The following SHCBP1L variants were observed in gnomAD, a reference collection of about 807,000 sequenced individuals.
SHCBP1L encodes the protein testicular spindle-associated protein SHCBP1L.
A neutral mutation model predicts 62.5 loss-of-function variants in SHCBP1L; 67 were observed. That is an observed-to-expected ratio of 1.07 (90% CI 0.88 to 1.31). The LOEUF is 1.31. Among genes scored for constraint, SHCBP1L ranks in the 40% most tolerant of loss-of-function variants. The probability of loss-of-function intolerance (pLI) is 0.00; values close to 1 mark genes in which losing one functional copy is unlikely to be tolerated. For synonymous variants in SHCBP1L, 284 were observed against 289.4 expected (o/e 0.98, Z 0.19); for missense variants, 823 against 809.8 (o/e 1.02, Z -0.20).
intron 2 of SHCBP1L, among the ~76,000 whole-genome samples, chr1:182,941,253 C>CAAAAAAAA (rs368017905): frequency 3.5e-5 from 2 of 57,454 alleles, no homozygotes; most frequent in African/African-American, 5.4e-5. Flanking sequence ...ACTCAAACAC[C>CAAAAAAAA]AAAAAAAAAA....
At chr1:182,912,086 C>T (rs1423451224) in intron 6 of SHCBP1L, among the ~76,000 whole-genome samples, 1 of 152,178 alleles carries the variant, frequency 6.6e-6, no homozygotes, top group Non-Finnish European at 1.5e-5. Flanking sequence ...CTTTCACCTG[C>T]CCCAGGGCAG....
At chr1:182,948,648 G>A (rs1221629073) in intron 2 of SHCBP1L, among the ~76,000 whole-genome samples, 2 of 152,194 alleles carry the variant, frequency 1.3e-5, no homozygotes, top group East Asian at 3.8e-4. Context: ...AGAGTTGTAA[G>A]ATAATAAATT....
At chr1:182,930,311 T>C (rs1032070093) in intron 5 of SHCBP1L, among the ~76,000 whole-genome samples, 6 of 152,018 alleles carry the variant, frequency 3.9e-5, no homozygotes, top group African/African-American at 1.4e-4. Context: ...GTTCTTTCTC[T>C]TCTTCCTGCT....
intron 6 of SHCBP1L, among the ~76,000 whole-genome samples, chr1:182,913,320 G>A (rs1022019334): frequency 6.6e-6 from 1 of 152,166 alleles, no homozygotes; most frequent in Non-Finnish European, 1.5e-5. Flanking sequence ...AGCAGTTTTG[G>A]AGGCTGAGTC....
chr1:182,916,368 T>G (rs1186736219), intron 6 of SHCBP1L, among the ~76,000 whole-genome samples: 1 of 151,770 alleles, frequency 6.6e-6, no homozygotes. Context: ...ACGATACAGA[T>G]TAGAGTTCAA....
intron 6 of SHCBP1L, among the ~76,000 whole-genome samples, chr1:182,923,452 T>C (rs958575865): frequency 6.6e-6 from 1 of 152,126 alleles, no homozygotes; most frequent in Non-Finnish European, 1.5e-5. Flanking sequence ...TGAACACAGA[T>C]GCAAACATCC....
intron 5 of SHCBP1L, among the ~76,000 whole-genome samples, chr1:182,932,024 C>T (rs1651014867): frequency 7.6e-6 from 1 of 131,058 alleles, no homozygotes; most frequent in South Asian, 2.7e-4. Flanking sequence ...TGGAGTCATA[C>T]AGTATGTAGC....
intron 6 of SHCBP1L, among the ~76,000 whole-genome samples, chr1:182,924,940 A>AAGAAAGAAAGAAAGAAAGAAAGAG: frequency 8.4e-6 from 1 of 118,716 alleles, no homozygotes; most frequent in African/African-American, 3.7e-5. Flanking sequence ...GGAAGGAAGA[A>AAGAAAGAAAGAAAGAAAGAAAGAG]AGAAAGAAAG....
intron 6 of SHCBP1L, among the ~76,000 whole-genome samples, chr1:182,912,890 A>C (rs1650234004): frequency 6.6e-6 from 1 of 151,698 alleles, no homozygotes; most frequent in African/African-American, 2.4e-5. Flanking sequence ...TAATCCTAGC[A>C]CTTTGGGAGG....
chr1:182,927,566 G>C (rs1048240104), intron 6 of SHCBP1L, among the ~76,000 whole-genome samples: 7 of 151,778 alleles, frequency 4.6e-5, no homozygotes, highest in African/African-American at 1.7e-4. Context: ...CAGCTACTCG[G>C]GAGGCTGAGG....
intron 6 of SHCBP1L, among the ~76,000 whole-genome samples, chr1:182,924,966 GAAAGAAAGAAA>G (rs1169530287): frequency 1.2e-4 from 14 of 114,304 alleles, no homozygotes; most frequent in African/African-American, 4.1e-4. Context: ...AAGAAAGAAA[GAAAGAAAGAAA>G]AAAAAAGGAA....
chr1:182,940,435 C>T lies in SHCBP1L; in HGVS notation c.664G>A (p.Glu222Lys). The T allele has an allele frequency of 6.2e-7, 1 of 1,614,022 alleles. No individual in the cohort carries two copies. The change falls in exon 3 of 10, where the codon GAG (glutamate) becomes AAG (lysine). Residue 222 changes from glutamate (E) to lysine (K), a missense_variant. Physicochemically the swap from Glu to Lys is moderately conservative, Grantham distance 56 (BLOSUM62 1). Coordinates refer to ENST00000367547, the MANE Select transcript of SHCBP1L (RefSeq NM_030933.4). Reference sequence around the variant, plus strand: ...CTGTGTTCCAGTTCCTCCAAAATCTCATCAACCAAATCTCTTGGAATATTT... The same window carrying T: ...CTGTGTTCCAGTTCCTCCAAAATCTTATCAACCAAATCTCTTGGAATATTT... Reference protein sequence around the residue: ...IANIPRDLVDEILEELEHSVP... With the variant: ...IANIPRDLVDKILEELEHSVP...
chr1:182,924,607 T>A (rs1650618189), intron 6 of SHCBP1L, among the ~76,000 whole-genome samples: 1 of 150,486 alleles, frequency 6.6e-6, no homozygotes, highest in East Asian at 1.9e-4. Flanking sequence ...AAAGAATCAA[T>A]GTTGTTAAAA....
chr1:182,941,297 T>C (rs975781563), intron 2 of SHCBP1L, among the ~76,000 whole-genome samples: 8 of 136,340 alleles, frequency 5.9e-5, no homozygotes, highest in African/African-American at 2.2e-4. Context: ...AAGAGTAAAA[T>C]TCTTTTTTTT....
chr1:182,950,102 A>T (rs1002887613), intron 2 of SHCBP1L, among the ~76,000 whole-genome samples: 7 of 152,130 alleles, frequency 4.6e-5, no homozygotes, highest in African/African-American at 1.4e-4. Context: ...TATCTGTAAA[A>T]CTGACACTGA....
intron 9 of SHCBP1L, among the ~76,000 whole-genome samples, chr1:182,901,831 C>T (rs1296484483): frequency 1.3e-5 from 2 of 152,132 alleles, no homozygotes; most frequent in African/African-American, 4.8e-5. Context: ...GCAGTATCAG[C>T]ATCACCTAGG....
Position 182,900,017 on chromosome 1 carries a change from T to C in SHCBP1L, c.1928A>G (p.Asn643Ser). ...LEMNNNKIEA[N>S]VKGDIRIVTS ...GACTATTCTGATATCCCCCTTGACG[T>C]TTGCTTCTATCTTATTATTATTCAT... Residue 643 changes from asparagine (N) to serine (S), a missense_variant, in exon 10 of 10, where the codon AAC becomes AGC. Transcript: ENST00000367547. The C allele has an allele frequency of 1.9e-6, 3 of 1,611,922 alleles. No individual in the cohort carries two copies. Among genetic ancestry groups the C allele is most frequent in the Non-Finnish European group, 2.5e-6 (3 of 1,179,112 alleles).
chr1:182,924,595 CAAAAGAA>C (rs1020108132), intron 6 of SHCBP1L, among the ~76,000 whole-genome samples: 47 of 150,660 alleles, frequency 3.1e-4, no homozygotes, highest in African/African-American at 1.1e-3. Context: ...CGCGCCCCGC[CAAAAGAA>C]TCAATGTTGT....
chr1:182,940,182 T>C (rs1651310370), intron 3 of SHCBP1L, 147 bp downstream of exon 3: 1 of 574,606 alleles, frequency 1.7e-6, no homozygotes. Flanking sequence ...AAATACAATA[T>C]GTTAATTTAA....
Sources: gnomAD v4.1 joint callset for allele counts (sites outside exome capture counted in the v4.1 genomes callset) on GRCh38, gnomAD v4.1.1 for gene constraint, MANE v1.5 for transcripts, NCBI Gene and HGNC (gene_info 2026-07-23, HGNC 2026-07-21) for gene names.